The following ANKDD1B variants were observed in gnomAD, a reference collection of about 807,000 sequenced individuals.
ANKDD1B encodes the protein ankyrin repeat and death domain containing 1B, also known as ankyrin repeat and death domain-containing protein 1B.
ANKDD1B carries 57 observed loss-of-function variants against 59.7 expected under a neutral mutation model. The ratio of observed to expected loss-of-function variants is 0.95; its 90% confidence interval spans 0.77 to 1.19. The LOEUF is 1.19. ANKDD1B is among the 50% of genes most tolerant of loss of function. The pLI is 0.00. For synonymous variants in ANKDD1B, 216 were observed against 239.5 expected (o/e 0.90, Z 0.91); for missense variants, 602 against 641.9 (o/e 0.94, Z 0.67).
chr5:75,662,011 A>G (rs1455365348), intron 10 of ANKDD1B, among the ~76,000 whole-genome samples: 1 of 148,228 alleles, frequency 6.7e-6, no homozygotes, highest in Non-Finnish European at 1.5e-5. Flanking sequence ...CTTTCCCAGC[A>G]GCTTGTTCTC....
intron 7 of ANKDD1B, among the ~76,000 whole-genome samples, chr5:75,639,631 C>G (rs979204257): frequency 1.3e-5 from 2 of 152,176 alleles, no homozygotes; most frequent in Non-Finnish European, 2.9e-5. Context: ...ATTGTTTATA[C>G]CTAATTAGCT....
chr5:75,667,220 A>G (rs1775334543), intron 12 of ANKDD1B, among the ~76,000 whole-genome samples: 1 of 152,228 alleles, frequency 6.6e-6, no homozygotes, highest in Non-Finnish European at 1.5e-5. Context: ...TTTGTAAAGG[A>G]TGATTATGTG....
chr5:75,611,500 C>A lies in ANKDD1B; in HGVS notation c.-135C>A. ...CAGAGAGCGGACTCGATCCTGCGCT[C>A]CGGCCGGGCTGACCTGCCTGCGTCC... is the stretch of plus-strand genomic sequence containing the variant. On this transcript the variant is annotated 5_prime_UTR_variant, in exon 1 of 14. Coordinates refer to ENST00000601380, the MANE Select transcript of ANKDD1B (RefSeq NM_001276713.2). 1.6e-6 allele frequency: 1 copy of A among 617,618 alleles called. No homozygotes were observed. The highest frequency in any genetic ancestry group is 2.3e-6 in the Non-Finnish European group (1 of 427,924). The allele number at this position is 617,618 out of a possible 1,614,324, so 38.3% of individuals were successfully genotyped here.
chr5:75,648,680 C>G (rs1029902771), intron 7 of ANKDD1B, among the ~76,000 whole-genome samples: 1 of 152,148 alleles, frequency 6.6e-6, no homozygotes, highest in Non-Finnish European at 1.5e-5. Flanking sequence ...ACTTCTCAAT[C>G]AACAACCTCA....
intron 1 of ANKDD1B, among the ~76,000 whole-genome samples, chr5:75,615,906 C>T (rs1773705326): frequency 6.6e-6 from 1 of 152,120 alleles, no homozygotes; most frequent in African/African-American, 2.4e-5. Context: ...GAAGATACTC[C>T]TTGGTTGGTC....
chr5:75,622,769 T>TAA (rs1773887948), intron 3 of ANKDD1B, among the ~76,000 whole-genome samples: 2 of 152,168 alleles, frequency 1.3e-5, no homozygotes, highest in Non-Finnish European at 2.9e-5. Flanking sequence ...GTGTAATTTG[T>TAA]GACACATGGT....
intron 7 of ANKDD1B, among the ~76,000 whole-genome samples, chr5:75,644,939 G>C (rs1458860321): frequency 8.1e-6 from 1 of 123,578 alleles, no homozygotes; most frequent in Non-Finnish European, 1.5e-5. Flanking sequence ...TCAGGATTAA[G>C]AATCTCACTC....
At chr5:75,619,912 A>G (rs1314896751) in intron 2 of ANKDD1B, among the ~76,000 whole-genome samples, 1 of 152,224 alleles carries the variant, frequency 6.6e-6, no homozygotes, top group Non-Finnish European at 1.5e-5. Context: ...TGGATTGAAT[A>G]TCTAGGAAAA....
At chr5:75,639,024 G>A (rs1774390348) in intron 7 of ANKDD1B, among the ~76,000 whole-genome samples, 1 of 152,146 alleles carries the variant, frequency 6.6e-6, no homozygotes, top group Non-Finnish European at 1.5e-5. Flanking sequence ...GAAGTAGATT[G>A]TAGGGTCCAA....
intron 7 of ANKDD1B, 34 bp from the exon 8 acceptor site, chr5:75,653,108 A>G (rs1774872178): frequency 7.2e-7 from 1 of 1,388,850 alleles, no homozygotes; most frequent in Non-Finnish European, 9.9e-7. Flanking sequence ...TTATAATGAG[A>G]GTTCCTCCTT....
At chr5:75,629,897 C>T (rs1433596971) in intron 5 of ANKDD1B, among the ~76,000 whole-genome samples, 1 of 152,194 alleles carries the variant, frequency 6.6e-6, no homozygotes, top group African/African-American at 2.4e-5. Context: ...GAGATCATGC[C>T]ACTGCATTTC....
rs949617085 is a variant in ANKDD1B, at chr5:75,611,792, G to T, written c.158G>T (p.Gly53Val). The T allele has an allele frequency of 4.4e-5, 54 of 1,232,018 alleles. No individual in the cohort carries two copies. Among genetic ancestry groups the T allele is most frequent in the Non-Finnish European group, 5.1e-5 (50 of 988,226 alleles). 76.3% of individuals were successfully genotyped at this position (1,232,018 alleles called of 1,614,324 possible). A position where few individuals can be genotyped will look rare whatever the true frequency, so the allele number is the denominator to read the frequency against. ...CGGATCCCGAAGCGGGAGGGTCTTG[G>T]AGAGGAGGACACAGCAGTTGCCGGA... ...LSRIPKREGL[G>V]EEDTAVAGHE... Residue 53 changes from glycine to valine, a missense_variant, in exon 1 of 14, where the codon GGA becomes GTA. Coordinates refer to ENST00000601380, the MANE Select transcript of ANKDD1B (RefSeq NM_001276713.2).
At chr5:75,622,176 G>A (rs1581130826) in intron 3 of ANKDD1B, among the ~76,000 whole-genome samples, 1 of 152,166 alleles carries the variant, frequency 6.6e-6, no homozygotes, top group Non-Finnish European at 1.5e-5. Context: ...TTCAGTGGCT[G>A]TTGTGCATAT....
chr5:75,623,628 T>G (rs1406604400), intron 3 of ANKDD1B, among the ~76,000 whole-genome samples: 1 of 152,100 alleles, frequency 6.6e-6, no homozygotes, highest in African/African-American at 2.4e-5. Context: ...GATATGCACA[T>G]TAAGAGTGGG....
At chr5:75,615,411 G>A (rs76045271) in intron 1 of ANKDD1B, among the ~76,000 whole-genome samples, 5 of 152,240 alleles carry the variant, frequency 3.3e-5, no homozygotes, top group African/African-American at 1.2e-4. Flanking sequence ...CACCTAGAAT[G>A]GTGACAAGAG....
At chr5:75,658,359 A>T (rs1775029723) in intron 9 of ANKDD1B, among the ~76,000 whole-genome samples, 1 of 152,206 alleles carries the variant, frequency 6.6e-6, no homozygotes, top group Admixed American at 6.5e-5. Flanking sequence ...GAGTTGGGCT[A>T]GATCACATCA....
chr5:75,633,282 C>A (rs1051188401), intron 5 of ANKDD1B, among the ~76,000 whole-genome samples: 1 of 151,872 alleles, frequency 6.6e-6, no homozygotes, highest in Non-Finnish European at 1.5e-5. Context: ...ACATATGTGG[C>A]CCAAGAATGA....
At chr5:75,637,021 C>T (rs1275370817) in intron 7 of ANKDD1B, among the ~76,000 whole-genome samples, 3 of 151,610 alleles carry the variant, frequency 2.0e-5, no homozygotes, top group Non-Finnish European at 4.4e-5. Flanking sequence ...CCGAGGTAGG[C>T]GGATCATCTG....
intron 7 of ANKDD1B, among the ~76,000 whole-genome samples, chr5:75,641,546 CATATAT>C (rs919955968): frequency 6.6e-6 from 1 of 152,166 alleles, no homozygotes; most frequent in Non-Finnish European, 1.5e-5. Context: ...AATCCATACA[CATATAT>C]ATACCAACAC....
Sources: gnomAD v4.1 joint callset for allele counts (sites outside exome capture counted in the v4.1 genomes callset) on GRCh38, gnomAD v4.1.1 for gene constraint, MANE v1.5 for transcripts, NCBI Gene and HGNC (gene_info 2026-07-23, HGNC 2026-07-21) for gene names.